The following NFIA variants were observed in gnomAD, a reference collection of about 807,000 sequenced individuals.
The protein encoded by NFIA is nuclear factor I A.
Under a neutral mutation model 62.8 loss-of-function variants are expected in NFIA, and 8 were observed. That is an observed-to-expected ratio of 0.13 (90% CI 0.07 to 0.23). The LOEUF is 0.23. Among genes scored for constraint, NFIA ranks in the 10% least tolerant of loss-of-function variants. NFIA has a pLI of 1.00. For synonymous variants in NFIA, 235 were observed against 238.1 expected (o/e 0.99, Z 0.12); for missense variants, 410 against 642.1 (o/e 0.64, Z 3.91).
At chr1:61,421,344 T>C (rs1666610627) in intron 9 of NFIA, among the ~76,000 whole-genome samples, 1 of 152,084 alleles carries the variant, frequency 6.6e-6, no homozygotes, top group Non-Finnish European at 1.5e-5. Flanking sequence ...AAATATCTCT[T>C]GGAGAGAGAG....
chr1:61,117,023 C>T (rs1646803977), intron 2 of NFIA, among the ~76,000 whole-genome samples: 1 of 152,068 alleles, frequency 6.6e-6, no homozygotes, highest in Non-Finnish European at 1.5e-5. Context: ...AGTAGGGAAT[C>T]AAAGGATAGT....
At chr1:61,262,100 TA>T (rs1418886150) in intron 2 of NFIA, among the ~76,000 whole-genome samples, 1 of 152,220 alleles carries the variant, frequency 6.6e-6, no homozygotes, top group Non-Finnish European at 1.5e-5. Context: ...TTGGGACTTT[TA>T]ATGTTGTTCT....
At chr1:61,266,645 C>G (rs1399073787) in intron 2 of NFIA, among the ~76,000 whole-genome samples, 3 of 152,138 alleles carry the variant, frequency 2.0e-5, no homozygotes, top group Non-Finnish European at 4.4e-5. Flanking sequence ...GGTGATCTGC[C>G]CACCTCGGCC....
intron 4 of NFIA, 29 bp downstream of exon 4, chr1:61,332,615 C>T (rs763615544): frequency 2.5e-6 from 4 of 1,597,546 alleles, no homozygotes; most frequent in Admixed American, 1.7e-5. Flanking sequence ...TGATTTGGTA[C>T]AGATTTGCCT....
At chr1:61,389,007 G>A (rs1408292599) in intron 7 of NFIA, among the ~76,000 whole-genome samples, 4 of 152,028 alleles carry the variant, frequency 2.6e-5, no homozygotes, top group Admixed American at 1.3e-4. Context: ...CTAGATACTC[G>A]GGAGGCTGAG....
chr1:61,345,902 G>A (rs1662204132), intron 4 of NFIA, among the ~76,000 whole-genome samples: 1 of 152,160 alleles, frequency 6.6e-6, no homozygotes, highest in African/African-American at 2.4e-5. Flanking sequence ...CATAAATGAT[G>A]CCTAATAAAT....
At chr1:61,185,576 T>C (rs925181689) in intron 2 of NFIA, among the ~76,000 whole-genome samples, 1 of 152,140 alleles carries the variant, frequency 6.6e-6, no homozygotes, top group Non-Finnish European at 1.5e-5. Flanking sequence ...ACTTGTTGCA[T>C]TGGCCTGCAA....
At chr1:61,402,664 G>A (rs990870111) in intron 7 of NFIA, among the ~76,000 whole-genome samples, 1 of 152,178 alleles carries the variant, frequency 6.6e-6, no homozygotes, top group Non-Finnish European at 1.5e-5. Flanking sequence ...AATTTCATCT[G>A]TTTTGGCTCA....
chr1:61,236,369 A>G (rs1413703817), intron 2 of NFIA, among the ~76,000 whole-genome samples: 1 of 152,208 alleles, frequency 6.6e-6, no homozygotes. Flanking sequence ...TCTTTGAACA[A>G]AATAACAGAC....
At chr1:61,279,224 C>T (rs963663593) in intron 3 of NFIA, among the ~76,000 whole-genome samples, 4 of 151,974 alleles carry the variant, frequency 2.6e-5, no homozygotes, top group African/African-American at 4.8e-5. Context: ...TCAAGTTTAC[C>T]ACATTAGCTA....
Position 61,191,122 on chromosome 1 carries a change from A to G in NFIA, c.560-86398A>G, listed in dbSNP as rs971846413. Among the ~76,000 whole-genome samples, 3 of 152,134 alleles carry G rather than the reference A, an allele frequency of 2.0e-5. No individual in the cohort carries two copies. In the East Asian group the frequency reaches 5.8e-4, roughly 29 times the overall value. On this transcript the variant is annotated intron_variant, in intron 2 of 10. Transcript: ENST00000403491. ...CTTAGTACTTTAGCTCAATGTTACA[A>G]TGCTTAGCTACATTAATCTGTTACT... is the stretch of plus-strand genomic sequence containing the variant.
Position 61,088,398 on chromosome 1 carries a change from CTTACAG to C in NFIA, c.284_289del (p.Val95_Thr96del). ...ACCCGAATATCGAGAGGATTTTGTT[CTTACAG>C]TTACAGGGAAAAAACCTCCATGTTG... On this transcript the variant is annotated inframe_deletion, in exon 2 of 11. Coordinates refer to ENST00000403491, the MANE Select transcript of NFIA (RefSeq NM_001134673.4). The surrounding 1 kb of genome is among the most constrained non-coding windows in gnomAD (Gnocchi z 4.5). The C allele has an allele frequency of 6.2e-7, 1 of 1,613,838 alleles. No individual in the cohort carries two copies. The highest frequency in any genetic ancestry group is 8.5e-7 in the Non-Finnish European group (1 of 1,179,962).
upstream of NFIA, chr1:61,082,163 T>A (rs1646106257): frequency 4.6e-6 from 2 of 431,570 alleles, no homozygotes; most frequent in Non-Finnish European, 7.4e-6. Context: ...CTGTAACTGC[T>A]CCTCACTGCG....
At chr1:61,403,820 G>T (rs569539915) in intron 7 of NFIA, among the ~76,000 whole-genome samples, 1 of 152,206 alleles carries the variant, frequency 6.6e-6, no homozygotes, top group Non-Finnish European at 1.5e-5. Context: ...GGCTCTTAAG[G>T]TAATGAATAA....
chr1:61,267,759 G>C (rs1657262391), intron 2 of NFIA, among the ~76,000 whole-genome samples: 1 of 152,156 alleles, frequency 6.6e-6, no homozygotes, highest in Non-Finnish European at 1.5e-5. Context: ...ACAACAACTT[G>C]TTGCTCTACC....
At chr1:61,338,505 G>T (rs918857196) in intron 4 of NFIA, among the ~76,000 whole-genome samples, 1 of 152,210 alleles carries the variant, frequency 6.6e-6, no homozygotes, top group African/African-American at 2.4e-5. Context: ...TCTTTTTGAA[G>T]TCTCTGGGTC....
At chr1:61,099,454 T>A (rs1646472126) in intron 2 of NFIA, among the ~76,000 whole-genome samples, 1 of 152,240 alleles carries the variant, frequency 6.6e-6, no homozygotes, top group Non-Finnish European at 1.5e-5. Context: ...CTCTTTAAAC[T>A]CTTTTGGCAA....
chr1:61,324,504 G>A (rs1475483212), intron 3 of NFIA, among the ~76,000 whole-genome samples: 1 of 152,160 alleles, frequency 6.6e-6, no homozygotes, highest in Admixed American at 6.5e-5. Flanking sequence ...TGATATTCCA[G>A]CAGAGAAAAC....
At chr1:61,328,576 C>T (rs186080762) in intron 3 of NFIA, among the ~76,000 whole-genome samples, 57 of 152,030 alleles carry the variant, frequency 3.7e-4, no homozygotes, top group African/African-American at 1.4e-3. Context: ...CAAGCGCCAC[C>T]ATGCCCGGCT....
Sources: gnomAD v4.1 joint callset for allele counts (sites outside exome capture counted in the v4.1 genomes callset) on GRCh38, gnomAD v4.1.1 for gene constraint, Gnocchi (gnomAD v3.1) non-coding constraint, MANE v1.5 for transcripts, NCBI Gene and HGNC (gene_info 2026-07-23, HGNC 2026-07-21) for gene names.